Variants in GLMN observed in about 807,000 individuals in gnomAD.
GLMN encodes glomulin.
In GLMN, 75 loss-of-function variants were observed where a neutral mutation model predicts 87.8. That is an observed-to-expected ratio of 0.85 (90% CI 0.71 to 1.04). The LOEUF is 1.04. Ranked by LOEUF, GLMN falls within the 50% of genes least tolerant of loss-of-function variation. The pLI is 0.00. For missense variants in GLMN, 588 were observed against 658.8 expected, an observed-to-expected ratio of 0.89 and a Z score of 1.18; for synonymous variants, 206 against 221.6, an observed-to-expected ratio of 0.93 and a Z score of 0.63.
intron 7 of GLMN, among the ~76,000 whole-genome samples, chr1:92,277,372 C>G (rs1028644363): frequency 3.9e-5 from 6 of 152,182 alleles, no homozygotes; most frequent in African/African-American, 1.2e-4. Flanking sequence ...TATATATTTG[C>G]TCTTTGTTCC....
At chr1:92,298,651 C>T (rs140344457) in intron 1 of GLMN, among the ~76,000 whole-genome samples, 2 of 152,172 alleles carry the variant, frequency 1.3e-5, no homozygotes, top group Non-Finnish European at 2.9e-5. Flanking sequence ...CAGGAGGAGA[C>T]CATCGCTTCT....
upstream of GLMN, among the ~76,000 whole-genome samples, chr1:92,302,248 G>C (rs1650902452): frequency 6.6e-6 from 1 of 151,342 alleles, no homozygotes; most frequent in South Asian, 2.1e-4. Flanking sequence ...CTGCACTCCA[G>C]TCTGGGCAAC....
chr1:92,293,086 T>G (rs1649607942), intron 3 of GLMN, among the ~76,000 whole-genome samples: 1 of 151,638 alleles, frequency 6.6e-6, no homozygotes, highest in African/African-American at 2.4e-5. Context: ...ATAACCAGAA[T>G]AGAAAAGAAG....
Position 92,269,714 on chromosome 1 carries a change from C to G in GLMN, c.977+9G>C, listed in dbSNP as rs142642620. The G allele has an allele frequency of 3.8e-6, 6 of 1,591,342 alleles. No homozygotes were observed. The South Asian group carries it at 6.6e-5, about 18-fold the overall frequency. ...ATTTCATTTTGAGATACCATCTAAA[C>G]GATCTTACCTTTGCAAAAAGACTTC... is the stretch of plus-strand genomic sequence containing the variant. On this transcript the variant is annotated intron_variant, in intron 9 of 18. Transcript: ENST00000370360.
chr1:92,269,624 A>T, intron 9 of GLMN, 99 bp downstream of exon 9: 1 of 806,454 alleles, frequency 1.2e-6, no homozygotes, highest in Non-Finnish European at 2.2e-6. Flanking sequence ...CCAATTAATT[A>T]ATTAGAGCTT....
chr1:92,331,146 T>G, the GLMN span, among the ~76,000 whole-genome samples: 20 of 152,240 alleles, frequency 1.3e-4, no homozygotes, highest in Admixed American at 9.8e-4. Flanking sequence ...TGGGTATAAA[T>G]GTAAAATTGT....
At chr1:92,263,400 T>A (rs950354758) in intron 15 of GLMN, among the ~76,000 whole-genome samples, 1 of 152,200 alleles carries the variant, frequency 6.6e-6, no homozygotes, top group Admixed American at 6.6e-5. Flanking sequence ...ATAAAAGCTA[T>A]CAAATCATAG....
At chr1:92,249,558 A>G (rs1653170553) in intron 16 of GLMN, among the ~76,000 whole-genome samples, 1 of 152,126 alleles carries the variant, frequency 6.6e-6, no homozygotes, top group African/African-American at 2.4e-5. Flanking sequence ...TGTTACACGT[A>G]TAAAATGTAT....
chr1:92,336,402 C>CTT, the GLMN span: 1 of 1,608,824 alleles, frequency 6.2e-7, no homozygotes, highest in Non-Finnish European at 8.5e-7. Context: ...TTACACACAA[C>CTT]TTAAAAATCT....
chr1:92,334,367 A>G, the GLMN span, among the ~76,000 whole-genome samples: 1 of 152,136 alleles, frequency 6.6e-6, no homozygotes, highest in African/African-American at 2.4e-5. Flanking sequence ...TGTTTATTTC[A>G]GAGTATCAGA....
At chr1:92,292,588 T>G (rs1570976659) in intron 3 of GLMN, among the ~76,000 whole-genome samples, 1 of 141,376 alleles carries the variant, frequency 7.1e-6, no homozygotes, top group East Asian at 2.0e-4. Flanking sequence ...TTTTTTGCCT[T>G]TTTTTTTTTT....
rs748792063 is a variant in GLMN at position 92,291,401 on chromosome 1, T to G, written c.285+17A>C. 6.5e-7 allele frequency: 1 copy of G among 1,537,820 alleles called. No homozygotes were observed. Among genetic ancestry groups the G allele is most frequent in the South Asian group, 1.1e-5 (1 of 89,324 alleles). The stretch of plus-strand genomic sequence containing the variant: ...GCTGTGTGTTATGATAAAGAGAACC[T>G]TGTTTTGTTAACTTACCTTTACCAA... On this transcript the variant is annotated intron_variant, in intron 4 of 18. Transcript: ENST00000370360.
rs369735015 is a variant in GLMN at position 92,286,611 on chromosome 1, G to A, written c.633-19C>T. ...GAAACAACTAAGGCATAAGAAATAG[G>A]TAACTATGAAATCAACACTTCCAAG... On this transcript the variant is annotated intron_variant, in intron 6 of 18. Coordinates refer to ENST00000370360, the MANE Select transcript of GLMN (RefSeq NM_053274.3). 50 of 1,196,474 alleles carry A rather than the reference G, an allele frequency of 4.2e-5. No homozygotes were observed. In the African/African-American group the frequency reaches 6.9e-4, roughly 16 times the overall value. 74.1% of individuals were successfully genotyped at this position (1,196,474 alleles called of 1,614,324 possible). A position where few individuals can be genotyped will look rare whatever the true frequency, so the allele number is the denominator to read the frequency against.
chr1:92,345,117 A>AT, the GLMN span, among the ~76,000 whole-genome samples: 2 of 152,102 alleles, frequency 1.3e-5, no homozygotes, highest in African/African-American at 4.8e-5. Context: ...ATTTCTGTAA[A>AT]TTATGCATTA....
At chr1:92,265,764 A>C (rs530384229) in intron 13 of GLMN, among the ~76,000 whole-genome samples, 2 of 152,276 alleles carry the variant, frequency 1.3e-5, no homozygotes, top group East Asian at 3.9e-4. Context: ...GAACAGTACT[A>C]ATATTGGCCA....
At chr1:92,254,540 G>C (rs528222179) in intron 16 of GLMN, among the ~76,000 whole-genome samples, 7 of 152,160 alleles carry the variant, frequency 4.6e-5, no homozygotes, top group Non-Finnish European at 5.9e-5. Context: ...TACCCACAAC[G>C]GGAAGCCCAT....
intron 16 of GLMN, among the ~76,000 whole-genome samples, chr1:92,258,435 T>A (rs1224841453): frequency 1.3e-5 from 2 of 152,186 alleles, no homozygotes; most frequent in Non-Finnish European, 2.9e-5. Flanking sequence ...ATCATTCTAC[T>A]ATAAAGACAC....
At chr1:92,263,047 T>A in intron 15 of GLMN, 121 bp from the exon 16 acceptor site, 1 of 545,894 alleles carries the variant, frequency 1.8e-6, no homozygotes, top group Non-Finnish European at 3.4e-6. Context: ...CTATTTCCAT[T>A]AATATCTTTT....
chr1:92,289,999 C>G (rs769540180), intron 5 of GLMN, among the ~76,000 whole-genome samples, 199 bp downstream of exon 5: 13 of 152,212 alleles, frequency 8.5e-5, no homozygotes, highest in Non-Finnish European at 1.8e-4. Flanking sequence ...AGAATATTTA[C>G]TGGGTACCCA....
Sources: allele counts gnomAD v4.1 joint callset (sites outside exome capture counted in the v4.1 genomes callset), GRCh38; gene constraint gnomAD v4.1.1; transcripts MANE v1.5; gene names NCBI Gene and HGNC (gene_info 2026-07-23, HGNC 2026-07-21).